The following RSPH3 variants were observed in gnomAD, a reference collection of about 807,000 sequenced individuals.
RSPH3 encodes radial spoke head protein 3 homolog.
Under a neutral mutation model 43.8 loss-of-function variants are expected in RSPH3, and 21 were observed. That is an observed-to-expected ratio of 0.48 (90% CI 0.34 to 0.69). The LOEUF (loss-of-function observed/expected upper bound fraction) is 0.69, where lower values mean the gene tolerates loss of function less well. Among genes scored for constraint, RSPH3 ranks in the 30% least tolerant of loss-of-function variants. The probability of loss-of-function intolerance (pLI) is 0.01; values close to 1 mark genes in which losing one functional copy is unlikely to be tolerated. For missense variants in RSPH3, 487 were observed against 516.0 expected (o/e 0.94, Z 0.54); for synonymous variants, 173 against 179.8 (o/e 0.96, Z 0.30).
Position 158,999,897 on chromosome 6 carries a change from G to T in RSPH3, c.-347C>A, listed in dbSNP as rs748598085. The T allele has an allele frequency of 9.9e-6, 16 of 1,613,196 alleles. 1 individual carries two copies. The highest frequency in any genetic ancestry group is 3.3e-4 in the Middle Eastern group (2 of 6,082). Reference sequence around the variant, plus strand: ...GACTTCCGGCTCTTGACTCCGCCCAGCCGCGCCACCCAGGTAGGTGCGCCT... The same window carrying T: ...GACTTCCGGCTCTTGACTCCGCCCATCCGCGCCACCCAGGTAGGTGCGCCT... On this transcript the variant is annotated 5_prime_UTR_variant, in exon 1 of 8. It adds an upstream start codon to the 5' untranslated region. Coordinates refer to ENST00000367069, the MANE Select transcript of RSPH3 (RefSeq NM_031924.8).
At chr6:158,968,141 T>C (rs1016752400), downstream of RSPH3, among the ~76,000 whole-genome samples, 10 of 152,238 alleles carry the variant, frequency 6.6e-5, no homozygotes, top group African/African-American at 2.2e-4. Context: ...CTTATGTATT[T>C]TTTGTACCTT....
chr6:158,999,136 T>C (rs370649220), intron 1 of RSPH3, among the ~76,000 whole-genome samples: 3 of 152,238 alleles, frequency 2.0e-5, no homozygotes, highest in South Asian at 2.1e-4. Context: ...CAGCACGTAG[T>C]TGGCCCTCAA....
the RSPH3 span, among the ~76,000 whole-genome samples, chr6:158,965,145 C>A: frequency 6.6e-6 from 1 of 152,026 alleles, no homozygotes; most frequent in Non-Finnish European, 1.5e-5. Context: ...CTGTAGTATT[C>A]CATTGATCTA....
At chr6:158,988,134 G>C (rs1389830487) in intron 2 of RSPH3, 1 of 151,684 alleles carries the variant, frequency 6.6e-6, no homozygotes, top group East Asian at 2.0e-4. Context: ...GGATAACTTT[G>C]TGGATACAAT....
the RSPH3 span, among the ~76,000 whole-genome samples, chr6:158,964,042 A>T: frequency 6.6e-6 from 1 of 152,228 alleles, no homozygotes; most frequent in African/African-American, 2.4e-5. Flanking sequence ...GGAATCATTA[A>T]TATATGTACC....
chr6:158,963,438 T>C, the RSPH3 span, among the ~76,000 whole-genome samples: 1 of 82,448 alleles, frequency 1.2e-5, no homozygotes, highest in Non-Finnish European at 2.3e-5. Flanking sequence ...TCCCTCCCCC[T>C]TCTTCCCCCT....
chr6:158,994,153 C>T (rs899476319), intron 1 of RSPH3, among the ~76,000 whole-genome samples: 1 of 152,096 alleles, frequency 6.6e-6, no homozygotes, highest in African/African-American at 2.4e-5. Flanking sequence ...CAATAAGCTG[C>T]AAGTTGGGAA....
chr6:158,977,221 C>G lies in RSPH3; in HGVS notation c.*317G>C. 1 of 268,888 alleles carries G rather than the reference C, an allele frequency of 3.7e-6. No homozygotes were observed. The highest frequency in any genetic ancestry group is 8.6e-5 in the East Asian group (1 of 11,662). The allele number at this position is 268,888 out of a possible 1,614,324, so 16.7% of individuals were successfully genotyped here. On this transcript the variant is annotated 3_prime_UTR_variant, in exon 8 of 8. Coordinates refer to ENST00000367069, the MANE Select transcript of RSPH3 (RefSeq NM_031924.8). The stretch of plus-strand genomic sequence containing the variant: ...TAAATATCATACTTACTAAAAAAAA[C>G]TAACCCGCAAAATTAGAAGGGCTAA...
At chr6:158,987,746 T>A (rs1778280934) in intron 2 of RSPH3, among the ~76,000 whole-genome samples, 1 of 152,098 alleles carries the variant, frequency 6.6e-6, no homozygotes, top group African/African-American at 2.4e-5. Flanking sequence ...AGAAAAAAAA[T>A]TCTACACTTT....
At chr6:158,986,246 A>G in intron 3 of RSPH3, 34 bp downstream of exon 3, 1 of 1,606,884 alleles carries the variant, frequency 6.2e-7, no homozygotes, top group Non-Finnish European at 8.5e-7. Flanking sequence ...TGAGTAAACC[A>G]AGAGGACACA....
intron 6 of RSPH3, among the ~76,000 whole-genome samples, chr6:158,978,856 T>C (rs533011177): frequency 2.6e-5 from 4 of 152,336 alleles, no homozygotes; most frequent in East Asian, 1.9e-4. Context: ...TTAAGAACTA[T>C]GAGGCCTTCC....
chr6:158,992,022 T>C (rs186781808), intron 2 of RSPH3, among the ~76,000 whole-genome samples: 31 of 152,092 alleles, frequency 2.0e-4, no homozygotes, highest in Admixed American at 1.1e-3. Flanking sequence ...GTTAGATGAT[T>C]TTTCCCAACT....
At chr6:158,965,449 A>C in the RSPH3 span, among the ~76,000 whole-genome samples, 10 of 152,014 alleles carry the variant, frequency 6.6e-5, no homozygotes, top group Non-Finnish European at 1.5e-4. Flanking sequence ...GTCTTCTTTA[A>C]TTTCCTTCAT....
At position 158,977,834 on chromosome 6, in the gene RSPH3, C is replaced by T. The variant is rs753649470; in HGVS notation, c.961G>A (p.Val321Met). Residue 321 changes from valine to methionine, a missense_variant, in exon 8 of 8, where the codon GTG becomes ATG. Val to Met is a conservative substitution (Grantham distance 21, BLOSUM62 1). Transcript: ENST00000367069. Reference sequence around the variant, plus strand: ...TACATACACAGCCTCTTTTCAACCACCTCACGGATCAACACTGAAAAGTTA... The same window carrying T: ...TACATACACAGCCTCTTTTCAACCATCTCACGGATCAACACTGAAAAGTTA... ...RTVLDMLIRE[V>M]VEKRLCMYEH... is the part of the protein sequence containing the mutation. The T allele has an allele frequency of 2.0e-5, 33 of 1,609,876 alleles. No homozygotes were observed. In the South Asian group the frequency reaches 3.4e-4, roughly 17 times the overall value.
chr6:158,978,660 C>A (rs1777930641), intron 6 of RSPH3, among the ~76,000 whole-genome samples: 1 of 152,182 alleles, frequency 6.6e-6, no homozygotes, highest in Non-Finnish European at 1.5e-5. Flanking sequence ...CCTGCCTCAG[C>A]CTTCTGAGTA....
the RSPH3 span, among the ~76,000 whole-genome samples, chr6:158,965,998 T>C: frequency 9.2e-4 from 140 of 152,312 alleles, 2 homozygotes; most frequent in African/African-American, 3.3e-3. Flanking sequence ...TTTCTGCATC[T>C]ATTGAGATGA....
intron 3 of RSPH3, among the ~76,000 whole-genome samples, chr6:158,984,473 T>TA (rs1554289681): frequency 7.8e-6 from 1 of 128,450 alleles, no homozygotes; most frequent in African/African-American, 3.0e-5. Context: ...TATATATATA[T>TA]ATTTGAGTCC....
intron 2 of RSPH3, 147 bp downstream of exon 2, chr6:158,993,692 C>T (rs1054905186): frequency 3.9e-6 from 2 of 515,776 alleles, no homozygotes; most frequent in Non-Finnish European, 6.8e-6. Flanking sequence ...ATTTGTATGT[C>T]TTTTTAAAAA....
At chr6:158,998,358 A>G (rs1342406000) in intron 1 of RSPH3, among the ~76,000 whole-genome samples, 1 of 146,942 alleles carries the variant, frequency 6.8e-6, no homozygotes, top group Non-Finnish European at 1.5e-5. Context: ...AGTCCCAGCT[A>G]CTTGGGAGGC....
Sources: gnomAD v4.1 joint callset for allele counts (sites outside exome capture counted in the v4.1 genomes callset) on GRCh38, gnomAD v4.1.1 for gene constraint, MANE v1.5 for transcripts, NCBI Gene and HGNC (gene_info 2026-07-23, HGNC 2026-07-21) for gene names.